COL4A1: variants seen among roughly 807,000 people sequenced by gnomAD.
COL4A1 encodes the protein collagen type IV alpha 1 chain.
COL4A1 carries 40 observed loss-of-function variants against 216.6 expected under a neutral mutation model. The ratio of observed to expected loss-of-function variants is 0.18; its 90% CI spans 0.14 to 0.24. COL4A1 has a LOEUF of 0.24. COL4A1 is among the 10% of genes least tolerant of loss of function. COL4A1 has a pLI of 1.00. For synonymous variants in COL4A1, 839 were observed against 810.7 expected (o/e 1.03, Z -0.59); for missense variants, 1,628 against 2,196.8 (o/e 0.74, Z 5.18).
rs781655700 is a variant in COL4A1, at chr13:110,170,585, T to C, written c.3704A>G (p.Lys1235Arg). 9 of 1,609,974 alleles carry C rather than the reference T, an allele frequency of 5.6e-6. No homozygotes were observed. The highest frequency in any genetic ancestry group is 3.4e-4 in the Middle Eastern group (2 of 5,902). Residue 1235 changes from lysine (K) to arginine (R), a missense_variant, in exon 42 of 52, where the codon AAA becomes AGA. Around this residue, in one of 8 missense-constraint regions of COL4A1, gnomAD observed 345 missense variants for 476.9 expected, o/e 0.72. Transcript: ENST00000375820. ...GSPGHATEGP[K>R]GDRGPQGQPG... ...CTGGCCCTGAGGTCCGCGGTCTCCT[T>C]TGGGCCCCTCCGTGGCATGGCCTGG...
chr13:110,240,764 AG>A (rs1348364770), intron 2 of COL4A1, among the ~76,000 whole-genome samples: 1 of 152,080 alleles, frequency 6.6e-6, no homozygotes, highest in African/African-American at 2.4e-5. Context: ...GTCAGTTGAC[AG>A]GTAGGGAAGG....
At chr13:110,202,782 C>A (rs762135827) in intron 18 of COL4A1, among the ~76,000 whole-genome samples, 1 of 152,164 alleles carries the variant, frequency 6.6e-6, no homozygotes, top group African/African-American at 2.4e-5. Context: ...ACATCACTGA[C>A]AAGTATGCAA....
rs1476264391 is a variant in COL4A1, at chr13:110,187,314, G to C, written c.1552C>G (p.Pro518Ala). Residue 518 changes from proline to alanine, a missense_variant, in exon 25 of 52, where the codon CCA (proline) becomes GCA (alanine). This residue lies in a region of COL4A1 where 701 missense variants were observed against 892.5 expected (regional missense o/e 0.79). Transcript: ENST00000375820. ...GCTCCTGGCTGGCCTATCAGCCCTG[G>C]TGTACCTTGAGGGCCCTGTAAGAAC... Reference protein sequence around the residue: ...VAGVPGPQGTPGLIGQPGAKG... With the variant: ...VAGVPGPQGTAGLIGQPGAKG... 6 of 1,612,324 alleles carry C rather than the reference G, an allele frequency of 3.7e-6. No individual in the cohort carries two copies. The highest frequency in any genetic ancestry group is 4.2e-6 in the Non-Finnish European group (5 of 1,179,872).
At chr13:110,189,614 C>G (rs1415464758) in intron 24 of COL4A1, among the ~76,000 whole-genome samples, 1 of 152,206 alleles carries the variant, frequency 6.6e-6, no homozygotes, top group Admixed American at 6.5e-5. Flanking sequence ...TATGAGCCAC[C>G]TGCCAGAAAT....
intron 2 of COL4A1, among the ~76,000 whole-genome samples, chr13:110,218,669 A>C (rs1380885537): frequency 6.6e-6 from 1 of 152,202 alleles, no homozygotes; most frequent in Non-Finnish European, 1.5e-5. Flanking sequence ...GTTACTGGGC[A>C]GGACAGGACC....
chr13:110,211,603 T>C lies in COL4A1; in HGVS notation c.468+44A>G. The C allele has an allele frequency of 6.3e-7, 1 of 1,590,714 alleles. No homozygotes were observed. Among genetic ancestry groups the C allele is most frequent in the Middle Eastern group, 1.7e-4 (1 of 5,972 alleles). On this transcript the variant is annotated intron_variant, in intron 8 of 51. Coordinates refer to ENST00000375820, the MANE Select transcript of COL4A1 (RefSeq NM_001845.6). This position sits in a 1 kb window ranked among gnomAD's most constrained non-coding sequence, Gnocchi z 4.3. The stretch of plus-strand genomic sequence containing the variant: ...TTCTATGGCACTTGTTGTAAACAGA[T>C]TCCCTGTAATGAATCCAATAAAGCA...
At chr13:110,175,128 G>A in intron 37 of COL4A1, 90 bp downstream of exon 37, 2 of 1,514,638 alleles carry the variant, frequency 1.3e-6, no homozygotes, top group South Asian at 2.3e-5. Flanking sequence ...ATGGCTCATT[G>A]AGTGTGCTGA....
At chr13:110,238,126 T>C (rs1030307246) in intron 2 of COL4A1, among the ~76,000 whole-genome samples, 7 of 152,382 alleles carry the variant, frequency 4.6e-5, no homozygotes, top group Middle Eastern at 3.4e-3. Context: ...CTGTGATTTA[T>C]AGACAATCTA....
intron 1 of COL4A1, among the ~76,000 whole-genome samples, chr13:110,305,220 C>T (rs1884636527): frequency 6.6e-6 from 1 of 152,206 alleles, no homozygotes; most frequent in Admixed American, 6.5e-5. Context: ...CTCTTAAAAA[C>T]AGTCCATGGC....
Position 110,152,417 on chromosome 13 carries a change from C to T in COL4A1, c.4845G>A (p.Glu1615=), listed in dbSNP as rs142326550. 3.2e-4 allele frequency: 516 copies of T among 1,614,104 alleles called. 1 individual carries two copies. Among genetic ancestry groups the T allele is most frequent in the Non-Finnish European group, 4.1e-4 (485 of 1,180,064 alleles). The stretch of plus-strand genomic sequence containing the variant: ...AATTGCAGGTCCCACGGCCGTGACA[C>T]TCGATGAATGGCGCACTTCTAAACT... ...LEEFRSAPFI[E]CHGRGTCNYY... is the part of the protein sequence containing the mutation. The change falls in exon 51 of 52, where the codon GAG becomes GAA. Residue 1615 remains glutamate (E), a synonymous_variant. Transcript: ENST00000375820.
At position 110,162,236 on chromosome 13, in the gene COL4A1, C is replaced by T; in HGVS notation, c.4456G>A (p.Asp1486Asn). 1 of 1,614,122 alleles carries T rather than the reference C, an allele frequency of 6.2e-7. No homozygotes were observed. The highest frequency in any genetic ancestry group is 8.5e-7 in the Non-Finnish European group (1 of 1,180,000). ...VQGNERAHGQ[D>N]LGTAGSCLRK... is the part of the protein sequence containing the mutation. ...GGATCTGCAGGCTTCTTACCCAAGT[C>T]CTGGCCATGGGCCCGTTCATTGCCT... Residue 1486 changes from aspartate to asparagine, a missense_variant, in exon 48 of 52, where the codon GAC (aspartate) becomes AAC (asparagine). Physicochemically the swap from Asp to Asn is conservative, Grantham distance 23. This residue lies in a region of COL4A1 where 254 missense variants were observed against 300.1 expected (regional missense o/e 0.85). Transcript: ENST00000375820.
chr13:110,252,469 T>TATATATACGTATAATTATACGTAC (rs1555311786), intron 1 of COL4A1, among the ~76,000 whole-genome samples: 1 of 42,386 alleles, frequency 2.4e-5, no homozygotes, highest in African/African-American at 8.6e-5. Context: ...TACATATAAT[T>TATATATACGTATAATTATACGTAC]ATATGTATTA....
rs1398548925 is a variant in COL4A1, at chr13:110,277,251, C to T, written c.84+29693G>A. Among the ~76,000 whole-genome samples, 7 of 152,314 alleles carry T rather than the reference C, an allele frequency of 4.6e-5. No individual in the cohort carries two copies. The South Asian group carries it at 1.2e-3, about 27-fold the overall frequency. ...TATTTCTGTATCATCAATGTTAACA[C>T]ATTTCATTTCTGTGTAGCCATTTCT... On this transcript the variant is annotated intron_variant, in intron 1 of 51. Coordinates refer to ENST00000375820, the MANE Select transcript of COL4A1 (RefSeq NM_001845.6).
intron 1 of COL4A1, among the ~76,000 whole-genome samples, chr13:110,280,084 G>T (rs1317097858): frequency 6.6e-6 from 1 of 152,076 alleles, no homozygotes; most frequent in African/African-American, 2.4e-5. Context: ...CTTTTAATTT[G>T]GAGCTTACTT....
intron 27 of COL4A1, 40 bp downstream of exon 27, chr13:110,183,144 A>T (rs1370783635): frequency 6.2e-7 from 1 of 1,612,424 alleles, no homozygotes; most frequent in Admixed American, 1.7e-5. Context: ...ACGTGAGGAA[A>T]CTCTCGTGGT....
chr13:110,243,582 G>A (rs1385049989), intron 1 of COL4A1, among the ~76,000 whole-genome samples: 1 of 152,174 alleles, frequency 6.6e-6, no homozygotes, highest in African/African-American at 2.4e-5. Flanking sequence ...GCCTCCCAAA[G>A]TGCTGGGATT....
intron 18 of COL4A1, among the ~76,000 whole-genome samples, chr13:110,203,184 G>A (rs138818695): frequency 1.3e-3 from 202 of 152,052 alleles, no homozygotes; most frequent in East Asian, 6.0e-3. Context: ...CTGCACTCCA[G>A]CCTGGGCAAC....
Position 110,169,118 on chromosome 13 carries a change from T to C in COL4A1, c.3876+511A>G, listed in dbSNP as rs148505613. ...TGAGATGTGCTCTTCTGAAGGCTTG[T>C]CTAAGTCACCACTTAGACTCTGTAT... On this transcript the variant is annotated intron_variant, in intron 43 of 51. Transcript: ENST00000375820. Among the ~76,000 whole-genome samples the C allele has an allele frequency of 9.7e-4, 147 of 152,016 alleles. 1 individual carries two copies. Among genetic ancestry groups the C allele is most frequent in the African/African-American group, 3.4e-3 (139 of 41,466 alleles).
intron 2 of COL4A1, among the ~76,000 whole-genome samples, chr13:110,219,596 G>A (rs1390876763): frequency 3.3e-5 from 5 of 149,628 alleles, no homozygotes; most frequent in African/African-American, 7.4e-5. Context: ...ACATACAGAC[G>A]CACCTCAGCT....
Sources: gnomAD v4.1 joint callset for allele counts (sites outside exome capture counted in the v4.1 genomes callset) on GRCh38, gnomAD v4.1.1 for gene constraint, gnomAD v4.1.1 regional missense constraint, Gnocchi (gnomAD v3.1) non-coding constraint, MANE v1.5 for transcripts, NCBI Gene and HGNC (gene_info 2026-07-23, HGNC 2026-07-21) for gene names.